CACNA1C: variants seen among roughly 807,000 people sequenced by gnomAD.
CACNA1C encodes the protein voltage-dependent L-type calcium channel subunit alpha-1C.
Under a neutral mutation model 229.0 loss-of-function variants are expected in CACNA1C, and 30 were observed. The observed-to-expected ratio is 0.13, with a 90% CI of 0.10 to 0.18. The LOEUF (loss-of-function observed/expected upper bound fraction) is 0.18, where lower values mean the gene tolerates loss of function less well. Among genes scored for constraint, CACNA1C ranks in the 10% least tolerant of loss-of-function variants. The probability of loss-of-function intolerance (pLI) is 1.00; values close to 1 mark genes in which losing one functional copy is unlikely to be tolerated. For synonymous variants in CACNA1C, 1,114 were observed against 1,132.5 expected (o/e 0.98, Z 0.33); for missense variants, 1,658 against 2,845.0 (o/e 0.58, Z 9.49).
In CACNA1C at chr12:1,977,444, T is replaced by C. The variant is rs549695469; in HGVS notation, c.139+6243T>C. ...AGCGTATCTTCAAAGCTTTGTCTTA[T>C]GCATTCTGATGTTCCAGATGCCACA... On this transcript the variant is annotated intron_variant, in intron 1 of 46. Transcript: ENST00000682462. Among the ~76,000 whole-genome samples, 7 of 152,378 alleles carry C rather than the reference T, an allele frequency of 4.6e-5. No individual in the cohort carries two copies. In the South Asian group the frequency reaches 1.0e-3, roughly 23 times the overall value.
chr12:2,478,325 T>G (rs2099641637), intron 5 of CACNA1C, among the ~76,000 whole-genome samples: 1 of 152,104 alleles, frequency 6.6e-6, no homozygotes, highest in Non-Finnish European at 1.5e-5. Flanking sequence ...CCAAAAAGAC[T>G]GGATGAGGTT....
intron 3 of CACNA1C, among the ~76,000 whole-genome samples, chr12:2,358,992 G>C (rs924802060): frequency 8.5e-5 from 13 of 152,178 alleles, no homozygotes; most frequent in African/African-American, 3.1e-4. Flanking sequence ...GTCTCTCTTT[G>C]TTCTGCTCTT....
In CACNA1C at chr12:2,317,409, C is replaced by T. The variant is rs114261380; in HGVS notation, c.478-131567C>T. Among the ~76,000 whole-genome samples the T allele has an allele frequency of 2.1e-3, 320 of 152,274 alleles. 1 individual carries two copies. The highest frequency in any genetic ancestry group is 7.3e-3 in the African/African-American group (303 of 41,538). On this transcript the variant is annotated intron_variant, in intron 3 of 46. Coordinates refer to ENST00000399655, the MANE Select transcript of CACNA1C (RefSeq NM_000719.7). ...ATTAGCCAGTCACAAAAGACAAATT[C>T]TGCATGACTCTATTTGTATGAAGTG...
chr12:2,588,774 G>A (rs1434424706), intron 18 of CACNA1C, among the ~76,000 whole-genome samples: 1 of 152,196 alleles, frequency 6.6e-6, no homozygotes, highest in Non-Finnish European at 1.5e-5. Context: ...ATGAGTGGAA[G>A]CTAATTCTAC....
chr12:2,668,917 T>G lies in CACNA1C; in HGVS notation c.4624-16T>G. 1.9e-6 allele frequency: 3 copies of G among 1,597,622 alleles called. No homozygotes were observed. Among genetic ancestry groups the G allele is most frequent in the Non-Finnish European group, 2.6e-6 (3 of 1,164,998 alleles). On this transcript the variant is annotated splice_polypyrimidine_tract_variant and intron_variant, in intron 37 of 46. Coordinates refer to ENST00000399655, the MANE Select transcript of CACNA1C (RefSeq NM_000719.7). ...CGCCTGCCATCATCACCAGCTTTGC[T>G]TCTCTTCGCCTGCAGCGCCTGGTCT...
chr12:2,461,417 C>G (rs2099500818), intron 5 of CACNA1C, among the ~76,000 whole-genome samples: 3 of 152,112 alleles, frequency 2.0e-5, no homozygotes, highest in Admixed American at 6.5e-5. Context: ...TTGGGAAGCT[C>G]CAGGGGTAGA....
intron 5 of CACNA1C, among the ~76,000 whole-genome samples, chr12:2,472,389 CATCTTCATTAAGCCT>C (rs2099598067): frequency 1.3e-5 from 2 of 152,106 alleles, no homozygotes; most frequent in South Asian, 4.2e-4. Context: ...CTAATGTCTC[CATCTTCATTAAGCCT>C]ATTCATAATT....
chr12:2,056,302 C>T (rs1045753081), intron 1 of CACNA1C, among the ~76,000 whole-genome samples: 4 of 151,806 alleles, frequency 2.6e-5, no homozygotes, highest in African/African-American at 9.7e-5. Context: ...ATTGAAGGAC[C>T]AGCTTCTGAC....
intron 3 of CACNA1C, among the ~76,000 whole-genome samples, chr12:2,307,564 C>T (rs1322901876): frequency 1.3e-5 from 2 of 152,146 alleles, no homozygotes; most frequent in African/African-American, 2.4e-5. Flanking sequence ...GTTACTGTGC[C>T]GCAGACCCAC....
At chr12:2,582,972 C>G (rs935450269) in intron 15 of CACNA1C, 30 bp downstream of exon 15, 1 of 1,499,928 alleles carries the variant, frequency 6.7e-7, no homozygotes, top group East Asian at 2.5e-5. Context: ...CCCACCCCTG[C>G]GGCCCCCAGC....
chr12:1,977,048 T>C (rs1219438933), intron 1 of CACNA1C, among the ~76,000 whole-genome samples: 1 of 152,224 alleles, frequency 6.6e-6, no homozygotes, highest in Non-Finnish European at 1.5e-5. Context: ...GGGCAGATAA[T>C]GTGTCTTTCA....
At chr12:2,547,981 T>C (rs2154591956) in intron 9 of CACNA1C, among the ~76,000 whole-genome samples, 1 of 152,296 alleles carries the variant, frequency 6.6e-6, no homozygotes, top group Non-Finnish European at 1.5e-5. Context: ...GGGAACGAAG[T>C]GTCACAAAGT....
chr12:2,281,360 C>T (rs898567028), intron 3 of CACNA1C, among the ~76,000 whole-genome samples: 2 of 152,100 alleles, frequency 1.3e-5, no homozygotes, highest in African/African-American at 4.8e-5. Context: ...ATGTCAGTAC[C>T]ATTTCTGGTA....
rs1406830384 is a variant in CACNA1C at position 2,054,119 on chromosome 12, A to G, written c.49+508A>G. On this transcript the variant is annotated intron_variant, in intron 1 of 46. Transcript: ENST00000399655. This position sits in a 1 kb window ranked among gnomAD's most constrained non-coding sequence, Gnocchi z 5.5. ...GGCGCCCTCGCGCTGCCCGGCGTCC[A>G]CTCTCGTCCAGGCGCCCCTGCCCTG... is the stretch of plus-strand genomic sequence containing the variant. Among the ~76,000 whole-genome samples, 1 of 150,376 alleles carries G rather than the reference A, an allele frequency of 6.6e-6. No individual in the cohort carries two copies. The highest frequency in any genetic ancestry group is 2.4e-5 in the African/African-American group (1 of 41,126).
rs1196925256 is a variant in CACNA1C at position 2,486,108 on chromosome 12, C to T, written c.762C>T (p.Leu254=). The T allele has an allele frequency of 1.2e-6, 2 of 1,603,424 alleles. No homozygotes were observed. The highest frequency in any genetic ancestry group is 3.4e-5 in the Admixed American group (2 of 59,602). ...TGAGTGGCTCTGTCCCCGCAGGTCT[C>T]CAGGTGGTCCTGAATTCCATCATCA... ...PLRLVSGVPS[L]QVVLNSIIKA... Residue 254 remains leucine, a synonymous_variant, in exon 6 of 47, where the codon CTC becomes CTT. Transcript: ENST00000399655. The surrounding 1 kb of genome is among the most constrained non-coding windows in gnomAD (Gnocchi z 4.9).
At chr12:1,996,661 A>AAAAAAAAAAAAAAAAG in intron 1 of CACNA1C, among the ~76,000 whole-genome samples, 1 of 106,330 alleles carries the variant, frequency 9.4e-6, no homozygotes, top group Non-Finnish European at 1.9e-5. Flanking sequence ...AAAAACAACA[A>AAAAAAAAAAAAAAAAG]ACTCTTCTAA....
In CACNA1C at chr12:2,257,716, C is replaced by T. The variant is rs534265548; in HGVS notation, c.477+137286C>T. Among the ~76,000 whole-genome samples, 34 of 152,356 alleles carry T rather than the reference C, an allele frequency of 2.2e-4. No individual in the cohort carries two copies. In the South Asian group the frequency reaches 6.6e-3, roughly 30 times the overall value. ...TAAGCATTTTCATTGATCTCTTCTCCTCCAGATTCTCCCAGGTTCTCAAGC... is the reference window on the plus strand; with the variant it reads ...TAAGCATTTTCATTGATCTCTTCTCTTCCAGATTCTCCCAGGTTCTCAAGC... On this transcript the variant is annotated intron_variant, in intron 3 of 46. Transcript: ENST00000399655.
At chr12:2,401,135 G>C (rs1443760742) in intron 3 of CACNA1C, among the ~76,000 whole-genome samples, 1 of 152,196 alleles carries the variant, frequency 6.6e-6, no homozygotes, top group Non-Finnish European at 1.5e-5. Context: ...CTCAGGGTCT[G>C]GAAGAGGCCA....
intron 3 of CACNA1C, among the ~76,000 whole-genome samples, chr12:2,426,854 G>A (rs1015537820): frequency 6.6e-6 from 1 of 152,204 alleles, no homozygotes; most frequent in Non-Finnish European, 1.5e-5. Flanking sequence ...TGGCTTGTTT[G>A]TGTGATGGAA....
Sources: allele counts gnomAD v4.1 joint callset (sites outside exome capture counted in the v4.1 genomes callset), GRCh38; gene constraint gnomAD v4.1.1; non-coding constraint Gnocchi (gnomAD v3.1); transcripts MANE v1.5; gene names NCBI Gene and HGNC (gene_info 2026-07-23, HGNC 2026-07-21).